The following NOL4 variants were observed in gnomAD, a reference collection of about 807,000 sequenced individuals.
The protein encoded by NOL4 is nucleolar protein 4, also known as cancer/testis antigen 125.
In NOL4, 17 loss-of-function variants were observed where a neutral mutation model predicts 75.9. The ratio of observed to expected loss-of-function variants is 0.22; its 90% confidence interval spans 0.15 to 0.34. The LOEUF is 0.34. NOL4 is among the 10% of genes least tolerant of loss of function. The pLI, the probability that NOL4 is intolerant of heterozygous loss-of-function variation, is 1.00. For synonymous variants in NOL4, 292 were observed against 289.9 expected (o/e 1.01, Z -0.07); for missense variants, 614 against 793.5 (o/e 0.77, Z 2.72).
chr18:34,176,904 A>C (rs1418240367), intron 1 of NOL4, among the ~76,000 whole-genome samples: 5 of 152,108 alleles, frequency 3.3e-5, no homozygotes, highest in Non-Finnish European at 7.4e-5. Context: ...AGCCAAAGAC[A>C]AATAAAAATT....
intron 9 of NOL4, among the ~76,000 whole-genome samples, chr18:33,889,133 AAAG>A (rs1192329117): frequency 1.4e-4 from 22 of 152,078 alleles, no homozygotes; most frequent in African/African-American, 4.6e-4. Flanking sequence ...CAAGACTAAT[AAAG>A]AAGAAAAGAG....
intron 6 of NOL4, among the ~76,000 whole-genome samples, chr18:34,012,009 C>G (rs1289469077): frequency 6.6e-6 from 1 of 151,892 alleles, no homozygotes; most frequent in African/African-American, 2.4e-5. Context: ...TCTTCATTTT[C>G]CTGAGATATA....
At chr18:33,854,464 C>T (rs141395598) in intron 10 of NOL4, among the ~76,000 whole-genome samples, 17 of 152,140 alleles carry the variant, frequency 1.1e-4, no homozygotes, top group East Asian at 7.7e-4. Context: ...GAGACTGACA[C>T]GACAAGCTGG....
At chr18:34,174,380 A>T (rs568695208) in intron 1 of NOL4, among the ~76,000 whole-genome samples, 1 of 152,314 alleles carries the variant, frequency 6.6e-6, no homozygotes, top group East Asian at 1.9e-4. Flanking sequence ...AAGTTTCACA[A>T]CAATCCAATA....
chr18:34,220,809 C>T (rs1394640355), intron 1 of NOL4, among the ~76,000 whole-genome samples: 2 of 152,120 alleles, frequency 1.3e-5, no homozygotes, highest in East Asian at 3.9e-4. Context: ...ATCTAACAAT[C>T]ACCTGATGAA....
intron 10 of NOL4, among the ~76,000 whole-genome samples, chr18:33,863,386 C>T (rs1019002672): frequency 6.6e-5 from 10 of 152,070 alleles, no homozygotes; most frequent in Non-Finnish European, 1.0e-4. Context: ...CTAACCTGCA[C>T]ATTGTGCATA....
chr18:34,084,201 G>T (rs1184439673), intron 5 of NOL4, among the ~76,000 whole-genome samples: 8 of 152,150 alleles, frequency 5.3e-5, no homozygotes, highest in Admixed American at 5.2e-4. Context: ...GGTGGAGCGG[G>T]TGTGCTGGGC....
chr18:34,110,709 A>G (rs1369209977), intron 2 of NOL4, among the ~76,000 whole-genome samples: 2 of 152,126 alleles, frequency 1.3e-5, no homozygotes, highest in Non-Finnish European at 2.9e-5. Flanking sequence ...GAAAAAGATA[A>G]GCCATCTAAA....
intron 5 of NOL4, among the ~76,000 whole-genome samples, chr18:34,058,590 A>G (rs1265094638): frequency 3.3e-5 from 5 of 152,138 alleles, no homozygotes; most frequent in African/African-American, 2.4e-5. Context: ...TGAGACTCCT[A>G]TGTGCCTACG....
At chr18:34,048,891 T>A (rs2076503704) in intron 5 of NOL4, among the ~76,000 whole-genome samples, 1 of 152,134 alleles carries the variant, frequency 6.6e-6, no homozygotes, top group Admixed American at 6.6e-5. Flanking sequence ...TTTTCCAGTT[T>A]AAATACTCTG....
chr18:34,048,590 G>A, intron 5 of NOL4: 3 of 985,382 alleles, frequency 3.0e-6, no homozygotes, highest in Non-Finnish European at 2.4e-6. Flanking sequence ...CCTCTGCACA[G>A]TAAGAGCTAA....
chr18:34,222,897 C>T (rs1488012956), intron 1 of NOL4, 93 bp downstream of exon 1: 12 of 1,518,278 alleles, frequency 7.9e-6, no homozygotes, highest in Admixed American at 1.8e-5. Flanking sequence ...CCAACGGCGG[C>T]TCACGGCTCC....
chr18:34,164,610 T>G (rs978823897), intron 1 of NOL4, among the ~76,000 whole-genome samples: 5 of 152,108 alleles, frequency 3.3e-5, no homozygotes, highest in African/African-American at 1.2e-4. Flanking sequence ...GGAGAGGATG[T>G]GGAGAAATAG....
At chr18:33,888,853 T>C (rs1413508929) in intron 9 of NOL4, among the ~76,000 whole-genome samples, 1 of 151,868 alleles carries the variant, frequency 6.6e-6, no homozygotes, top group African/African-American at 2.4e-5. Context: ...CAGGTAGCAT[T>C]TTGCCTCCAG....
chr18:34,122,464 G>A (rs1160413592), intron 2 of NOL4, among the ~76,000 whole-genome samples: 2 of 151,926 alleles, frequency 1.3e-5, no homozygotes, highest in African/African-American at 4.8e-5. Flanking sequence ...TAGAACATCT[G>A]TTACCCCAAA....
chr18:33,886,657 T>C (rs556610309), intron 9 of NOL4, among the ~76,000 whole-genome samples: 1 of 150,092 alleles, frequency 6.7e-6, no homozygotes, highest in Admixed American at 6.7e-5. Flanking sequence ...CTGAATTGTT[T>C]GTGACTCAAA....
chr18:34,162,989 T>G (rs2031753758), intron 1 of NOL4, among the ~76,000 whole-genome samples: 1 of 152,104 alleles, frequency 6.6e-6, no homozygotes, highest in Admixed American at 6.6e-5. Flanking sequence ...AAGACTAAAA[T>G]CACGTGATTA....
At chr18:34,127,584 C>T (rs1044596273) in intron 2 of NOL4, among the ~76,000 whole-genome samples, 8 of 151,852 alleles carry the variant, frequency 5.3e-5, no homozygotes, top group Non-Finnish European at 8.8e-5. Context: ...AAGTCTGGCC[C>T]AACAGTCTAT....
intron 6 of NOL4, among the ~76,000 whole-genome samples, chr18:33,961,156 C>A (rs1160312844): frequency 2.0e-5 from 3 of 151,880 alleles, no homozygotes; most frequent in African/African-American, 7.3e-5. Context: ...ATTAATATAT[C>A]TGACAGTTAG....
Sources: gnomAD v4.1 joint callset for allele counts (sites outside exome capture counted in the v4.1 genomes callset) on GRCh38, gnomAD v4.1.1 for gene constraint, MANE v1.5 for transcripts, NCBI Gene and HGNC (gene_info 2026-07-23, HGNC 2026-07-21) for gene names.